Variants in SH3D19 observed in about 807,000 individuals in gnomAD.
SH3D19 encodes the protein SH3 domain containing 19, also known as SH3 domain-containing protein 19.
SH3D19 carries 58 observed loss-of-function variants against 112.1 expected under a neutral mutation model. The observed-to-expected ratio is 0.52, with a 90% CI of 0.42 to 0.64. The LOEUF is 0.64. Ranked by LOEUF, SH3D19 falls within the 30% of genes least tolerant of loss-of-function variation. The probability of loss-of-function intolerance (pLI) is 0.00; values close to 1 mark genes in which losing one functional copy is unlikely to be tolerated. For synonymous variants in SH3D19, 391 were observed against 448.5 expected, an observed-to-expected ratio of 0.87 and a Z score of 1.62; for missense variants, 1,090 against 1,263.4, an observed-to-expected ratio of 0.86 and a Z score of 2.08.
intron 7 of SH3D19, among the ~76,000 whole-genome samples, chr4:151,172,177 T>C (rs944802585): frequency 6.6e-6 from 1 of 152,146 alleles, no homozygotes; most frequent in Non-Finnish European, 1.5e-5. Context: ...TTAGGCAAGG[T>C]TTCCCAGGAC....
chr4:151,265,393 A>G (rs1488436836), intron 1 of SH3D19, among the ~76,000 whole-genome samples: 2 of 151,620 alleles, frequency 1.3e-5, no homozygotes, highest in Non-Finnish European at 1.5e-5. Flanking sequence ...AGAGAAGATG[A>G]TGGATCTAGA....
At chr4:151,245,312 T>G (rs1462699788) in intron 1 of SH3D19, among the ~76,000 whole-genome samples, 3 of 133,386 alleles carry the variant, frequency 2.2e-5, no homozygotes, top group African/African-American at 5.0e-5. Flanking sequence ...TTCAGTTCCT[T>G]GTTAATTTTT....
At chr4:151,233,956 C>A (rs969885795) in intron 1 of SH3D19, among the ~76,000 whole-genome samples, 1 of 152,194 alleles carries the variant, frequency 6.6e-6, no homozygotes, top group Non-Finnish European at 1.5e-5. Context: ...CCAATGCCCT[C>A]CCATTTTCTT....
At chr4:151,186,679 C>T (rs1211609234) in intron 3 of SH3D19, among the ~76,000 whole-genome samples, 1 of 152,096 alleles carries the variant, frequency 6.6e-6, no homozygotes, top group Non-Finnish European at 1.5e-5. Flanking sequence ...AGGTGATCCA[C>T]CTGCCTCAGC....
At chr4:151,233,415 T>C (rs939279662) in intron 1 of SH3D19, among the ~76,000 whole-genome samples, 8 of 152,140 alleles carry the variant, frequency 5.3e-5, no homozygotes, top group Non-Finnish European at 1.0e-4. Context: ...CCAGGCTACA[T>C]TCCCTTTCGA....
chr4:151,206,272 T>G (rs1765095343), intron 2 of SH3D19, among the ~76,000 whole-genome samples: 1 of 152,176 alleles, frequency 6.6e-6, no homozygotes, highest in South Asian at 2.1e-4. Context: ...TGGCTGTATT[T>G]TGTGTTGTTT....
intron 1 of SH3D19, among the ~76,000 whole-genome samples, chr4:151,301,423 C>A (rs539454056): frequency 6.6e-6 from 1 of 152,308 alleles, no homozygotes; most frequent in African/African-American, 2.4e-5. Flanking sequence ...GACAGGATTT[C>A]TCCATGTTGG....
intron 1 of SH3D19, among the ~76,000 whole-genome samples, chr4:151,298,688 A>G (rs1463347746): frequency 6.6e-6 from 1 of 152,148 alleles, no homozygotes; most frequent in African/African-American, 2.4e-5. Flanking sequence ...CATCACCTTT[A>G]ACACTGCATC....
intron 1 of SH3D19, among the ~76,000 whole-genome samples, chr4:151,304,959 T>C (rs1002492421): frequency 6.6e-6 from 1 of 151,994 alleles, no homozygotes; most frequent in Non-Finnish European, 1.5e-5. Context: ...GTTCTAGGCA[T>C]AAAACAAAAC....
Position 151,175,530 on chromosome 4 carries a change from A to G in SH3D19, c.674T>C (p.Val225Ala), listed in dbSNP as rs1759803965. Residue 225 changes from valine to alanine, a missense_variant, in exon 7 of 20, where the codon GTG (valine) becomes GCG (alanine). Coordinates refer to ENST00000604030, the MANE Select transcript of SH3D19 (RefSeq NM_001378122.1). ...GTTGCTTTTTGATCTTGGTTTTGGCACTGGACATCTTGTAGCACTGGGGTT... is the reference window on the plus strand; with the variant it reads ...GTTGCTTTTTGATCTTGGTTTTGGCGCTGGACATCTTGTAGCACTGGGGTT... ...PENPSATRCP[V>A]PKPRSKSNLR... is the part of the protein sequence containing the mutation. 2 of 1,405,770 alleles carry G rather than the reference A, an allele frequency of 1.4e-6. No individual in the cohort carries two copies. Among genetic ancestry groups the G allele is most frequent in the South Asian group, 1.7e-5 (1 of 58,532 alleles). The allele number at this position is 1,405,770 out of a possible 1,614,324, so 87.1% of individuals were successfully genotyped here.
At chr4:151,200,152 G>A (rs961090219) in intron 2 of SH3D19, among the ~76,000 whole-genome samples, 1 of 151,964 alleles carries the variant, frequency 6.6e-6, no homozygotes, top group Non-Finnish European at 1.5e-5. Flanking sequence ...GGATTTTTTT[G>A]TTTGTTTGTC....
chr4:151,300,795 T>C (rs999437259), intron 1 of SH3D19, among the ~76,000 whole-genome samples: 1 of 152,134 alleles, frequency 6.6e-6, no homozygotes, highest in African/African-American at 2.4e-5. Context: ...AATGGCCAGT[T>C]TGAAGTCTGT....
chr4:151,242,567 A>G (rs1464638766), intron 1 of SH3D19, among the ~76,000 whole-genome samples: 2 of 152,212 alleles, frequency 1.3e-5, no homozygotes, highest in Non-Finnish European at 2.9e-5. Flanking sequence ...TCTTTAAAAA[A>G]CAGGTAGCGA....
chr4:151,277,518 G>T (rs749120851), intron 1 of SH3D19, among the ~76,000 whole-genome samples: 1 of 152,084 alleles, frequency 6.6e-6, no homozygotes. Flanking sequence ...TGAAAGGAAA[G>T]GGGCATCTGA....
intron 9 of SH3D19, among the ~76,000 whole-genome samples, chr4:151,158,520 G>A (rs1756556355): frequency 6.6e-6 from 1 of 151,692 alleles, no homozygotes; most frequent in Admixed American, 6.6e-5. Flanking sequence ...GGCTCGTCTC[G>A]AACTCCTGAC....
intron 12 of SH3D19, chr4:151,140,870 AC>A (rs1212460971): frequency 2.6e-5 from 4 of 152,076 alleles, no homozygotes; most frequent in Admixed American, 2.6e-4. Flanking sequence ...CTCCATTTCA[AC>A]CCTGCAGCAC....
chr4:151,213,952 G>T (rs1580194477), intron 2 of SH3D19, among the ~76,000 whole-genome samples: 1 of 151,150 alleles, frequency 6.6e-6, no homozygotes, highest in South Asian at 2.1e-4. Flanking sequence ...ATAGTGGAGG[G>T]AAGGTCAGCA....
At chr4:151,294,906 G>A (rs1775593867) in intron 1 of SH3D19, among the ~76,000 whole-genome samples, 1 of 152,210 alleles carries the variant, frequency 6.6e-6, no homozygotes, top group Non-Finnish European at 1.5e-5. Context: ...CTCTGAGGAG[G>A]TGACATTTGA....
At chr4:151,199,221 C>G (rs1175497213) in intron 2 of SH3D19, among the ~76,000 whole-genome samples, 1 of 152,078 alleles carries the variant, frequency 6.6e-6, no homozygotes, top group Non-Finnish European at 1.5e-5. Context: ...TATTATGTAT[C>G]TGAGGATACC....
Sources: gnomAD v4.1 joint callset for allele counts (sites outside exome capture counted in the v4.1 genomes callset) on GRCh38, gnomAD v4.1.1 for gene constraint, MANE v1.5 for transcripts, NCBI Gene and HGNC (gene_info 2026-07-23, HGNC 2026-07-21) for gene names.